PIP5K1A: variants seen among roughly 807,000 people sequenced by gnomAD.
PIP5K1A encodes phosphatidylinositol-4-phosphate 5-kinase type 1 alpha.
A neutral mutation model predicts 72.9 loss-of-function variants in PIP5K1A; 46 were observed. That is an observed-to-expected ratio of 0.63 (90% CI 0.50 to 0.81). PIP5K1A has a LOEUF of 0.81. Among genes scored for constraint, PIP5K1A ranks in the 30% least tolerant of loss-of-function variants. The pLI, the probability that PIP5K1A is intolerant of heterozygous loss-of-function variation, is 0.00. For synonymous variants in PIP5K1A, 228 were observed against 255.1 expected, an observed-to-expected ratio of 0.89 and a Z score of 1.01; for missense variants, 458 against 706.1, an observed-to-expected ratio of 0.65 and a Z score of 3.98.
chr1:151,241,493 G>T (rs1436276409), intron 12 of PIP5K1A, among the ~76,000 whole-genome samples: 1 of 151,328 alleles, frequency 6.6e-6, no homozygotes, highest in Non-Finnish European at 1.5e-5. Context: ...GACAGAGCAA[G>T]ACTCTCGTCA....
rs371292109 is a variant in PIP5K1A at position 151,224,226 on chromosome 1, GT to G, written c.86-10del. The G allele has an allele frequency of 5.6e-3, 8,965 of 1,593,644 alleles. 59 individuals carry two copies. The highest frequency in any genetic ancestry group is 0.02 in the South Asian group (1,794 of 90,484). On this transcript the variant is annotated intron_variant, in intron 1 of 15. Transcript: ENST00000368888. ...GAGTGTGTGATACACTCTTATGATT[GT>G]TTTTTTTTCCCCCCTAGCAGCATCT...
At chr1:151,196,838 G>A (rs1384098247), upstream of PIP5K1A, among the ~76,000 whole-genome samples, 5 of 148,886 alleles carry the variant, frequency 3.4e-5, no homozygotes, top group African/African-American at 9.9e-5. Flanking sequence ...TGGGCTTACA[G>A]GCGTGAGCCA....
At chr1:151,196,550 A>ATT (rs5777766), upstream of PIP5K1A, among the ~76,000 whole-genome samples, 3,322 of 114,494 alleles carry the variant, frequency 0.029, 130 homozygotes, top group Non-Finnish European at 0.035. Context: ...ATGCATGGGG[A>ATT]TTTTTTTTTT....
chr1:151,241,169 A>G (rs1175740644), intron 12 of PIP5K1A, among the ~76,000 whole-genome samples: 1 of 151,524 alleles, frequency 6.6e-6, no homozygotes, highest in Non-Finnish European at 1.5e-5. Flanking sequence ...CATCTCAAAA[A>G]AAGTTATCTT....
chr1:151,201,678 G>A (rs1685232846), intron 1 of PIP5K1A, among the ~76,000 whole-genome samples: 1 of 151,856 alleles, frequency 6.6e-6, no homozygotes, highest in African/African-American at 2.4e-5. Context: ...GGCCAACATG[G>A]TGAAACCCCA....
chr1:151,207,151 T>C (rs374200830), intron 1 of PIP5K1A, among the ~76,000 whole-genome samples: 2 of 152,264 alleles, frequency 1.3e-5, no homozygotes, highest in East Asian at 3.9e-4. Context: ...ATTACAGGCG[T>C]GAGCCACCGC....
In PIP5K1A at chr1:151,208,719, C is replaced by CTTTTTTTTT. The variant is rs61545057; in HGVS notation, c.85+9660_85+9668dup. Among the ~76,000 whole-genome samples the CTTTTTTTTT allele has an allele frequency of 7.9e-4, 34 of 43,168 alleles. 8 individuals are homozygous for CTTTTTTTTT. Among genetic ancestry groups the CTTTTTTTTT allele is most frequent in the Non-Finnish European group, 1.3e-3 (29 of 23,048 alleles). The allele number at this position is 43,168 out of a possible 152,430, so 28.3% of individuals were successfully genotyped here. On this transcript the variant is annotated intron_variant, in intron 1 of 15. Transcript: ENST00000368888. ...TTATTAAGGATGTTGTAATGGTACGCTTTTTTTTTTTTTTTTTTTTTTTTT... is the reference window on the plus strand; with the variant it reads ...TTATTAAGGATGTTGTAATGGTACGCTTTTTTTTTTTTTTTTTTTTTTTTTTTTTTTTTT...
intron 1 of PIP5K1A, among the ~76,000 whole-genome samples, chr1:151,205,406 C>T (rs1278129932): frequency 6.6e-6 from 1 of 151,968 alleles, no homozygotes; most frequent in Non-Finnish European, 1.5e-5. Context: ...GAACTCCTGG[C>T]CTCAAGCGAT....
upstream of PIP5K1A, among the ~76,000 whole-genome samples, chr1:151,196,865 T>C (rs1684597708): frequency 6.9e-6 from 1 of 144,824 alleles, no homozygotes; most frequent in Admixed American, 6.9e-5. Context: ...CCGGCCTTTT[T>C]TTTTTTTTTT....
chr1:151,199,085 A>C lies in PIP5K1A; in HGVS notation c.85+4A>C. 5 of 1,614,048 alleles carry C rather than the reference A, an allele frequency of 3.1e-6. No individual in the cohort carries two copies. The highest frequency in any genetic ancestry group is 4.2e-6 in the Non-Finnish European group (5 of 1,179,998). Reference sequence around the variant, plus strand: ...CCTTCCTGTACCTTGTCCTCAGGTAAGCCCGGCAGGGCGTGGGTAGGGAGC... The same window carrying C: ...CCTTCCTGTACCTTGTCCTCAGGTACGCCCGGCAGGGCGTGGGTAGGGAGC... On this transcript the variant is annotated splice_donor_region_variant and intron_variant, in intron 1 of 15. Coordinates refer to ENST00000368888, the MANE Select transcript of PIP5K1A (RefSeq NM_001135638.2).
chr1:151,242,093 C>G, intron 12 of PIP5K1A, 30 bp from the exon 13 acceptor site: 1 of 1,612,416 alleles, frequency 6.2e-7, no homozygotes. Flanking sequence ...AAGGTAGTTG[C>G]TAAGTAGGCT....
At position 151,234,308 on chromosome 1, in the gene PIP5K1A, T is replaced by A; in HGVS notation, c.751T>A (p.Ser251Thr). ...GGTGATGAACAATCTTTTACCAAGA[T>A]CGGTAAAAATGCATATCAAATATGA... ...IVVMNNLLPR[S>T]VKMHIKYDLK... is the part of the protein sequence containing the mutation. Residue 251 changes from serine to threonine, a missense_variant, in exon 8 of 16, where the codon TCG (serine) becomes ACG (threonine). Physicochemically the swap from Ser to Thr is moderately conservative, Grantham distance 58 (BLOSUM62 1). Around this residue, in one of 3 missense-constraint regions of PIP5K1A, gnomAD observed 220 missense variants for 442.6 expected, o/e 0.50. Coordinates refer to ENST00000368888, the MANE Select transcript of PIP5K1A (RefSeq NM_001135638.2). The A allele has an allele frequency of 6.2e-7, 1 of 1,614,006 alleles. No individual in the cohort carries two copies. Among genetic ancestry groups the A allele is most frequent in the Non-Finnish European group, 8.5e-7 (1 of 1,179,910 alleles).
chr1:151,236,757 A>C lies in PIP5K1A; in HGVS notation c.1139A>C (p.Asp380Ala). ...EARRGGTMET[D>A]DHMGGIPARN... is the part of the protein sequence containing the mutation. ...CGACGGGGTGGTACCATGGAGACTG[A>C]TGACCAGTAAGTGGGCTCAGGGCCA... Residue 380 changes from aspartate to alanine, a missense_variant, in exon 9 of 16, where the codon GAT becomes GCT. Transcript: ENST00000368888. The C allele has an allele frequency of 6.2e-7, 1 of 1,604,690 alleles. No homozygotes were observed. The highest frequency in any genetic ancestry group is 8.5e-7 in the Non-Finnish European group (1 of 1,174,414).
intron 1 of PIP5K1A, among the ~76,000 whole-genome samples, chr1:151,219,962 A>G (rs1688186882): frequency 7.1e-6 from 1 of 141,724 alleles, no homozygotes; most frequent in Non-Finnish European, 1.5e-5. Context: ...AAGTACTGGG[A>G]TTATAGATGT....
At chr1:151,201,520 AT>A (rs1271793943) in intron 1 of PIP5K1A, among the ~76,000 whole-genome samples, 1 of 151,470 alleles carries the variant, frequency 6.6e-6, no homozygotes, top group African/African-American at 2.4e-5. Context: ...TGGCTATTTT[AT>A]TTTTTTGTGT....
intron 1 of PIP5K1A, among the ~76,000 whole-genome samples, chr1:151,208,463 C>T (rs587642195): frequency 2.0e-5 from 3 of 150,202 alleles, no homozygotes; most frequent in Non-Finnish European, 3.0e-5. Context: ...CGCTTTCAAG[C>T]GATTCCCCTG....
intron 12 of PIP5K1A, among the ~76,000 whole-genome samples, chr1:151,241,575 C>T (rs186658426): frequency 6.6e-5 from 10 of 151,558 alleles, no homozygotes; most frequent in Admixed American, 1.3e-4. Context: ...CCTAGGTGGG[C>T]GGACCACCTG....
At chr1:151,205,028 T>C (rs1439615246) in intron 1 of PIP5K1A, among the ~76,000 whole-genome samples, 3 of 152,230 alleles carry the variant, frequency 2.0e-5, no homozygotes, top group Non-Finnish European at 4.4e-5. Flanking sequence ...TTAAATATTT[T>C]ATTAGCCTGT....
upstream of PIP5K1A, among the ~76,000 whole-genome samples, chr1:151,196,697 G>A (rs1427039195): frequency 6.6e-6 from 1 of 151,478 alleles, no homozygotes; most frequent in East Asian, 1.9e-4. Context: ...GAGTAGCTGG[G>A]ATTACAGGAA....
Sources: allele counts gnomAD v4.1 joint callset (sites outside exome capture counted in the v4.1 genomes callset), GRCh38; gene constraint gnomAD v4.1.1; regional missense constraint gnomAD v4.1.1; transcripts MANE v1.5; gene names NCBI Gene and HGNC (gene_info 2026-07-23, HGNC 2026-07-21).